The following C7orf33 variants were observed in gnomAD, a reference collection of about 807,000 sequenced individuals.
C7orf33 encodes the protein chromosome 7 open reading frame 33, also known as uncharacterized protein C7orf33.
C7orf33 carries 15 observed loss-of-function variants against 13.4 expected under a neutral mutation model. That is an observed-to-expected ratio of 1.12 (90% CI 0.75 to 1.72). C7orf33 has a LOEUF of 1.72. Among genes scored for constraint, C7orf33 ranks in the 40% most tolerant of loss-of-function variants. The pLI is 0.00. For missense variants in C7orf33, 187 were observed against 220.3 expected (o/e 0.85, Z 0.96); for synonymous variants, 73 against 83.2 (o/e 0.88, Z 0.67).
chr7:148,598,804 A>G (rs1240970579), intron 1 of C7orf33, among the ~76,000 whole-genome samples: 1 of 135,096 alleles, frequency 7.4e-6, no homozygotes, highest in Non-Finnish European at 1.6e-5. Flanking sequence ...AGAGAGAGAG[A>G]GAGAGAGAGA....
chr7:148,606,351 T>A (rs1362189317), intron 1 of C7orf33, among the ~76,000 whole-genome samples: 1 of 152,156 alleles, frequency 6.6e-6, no homozygotes, highest in East Asian at 1.9e-4. Flanking sequence ...TTTATCAAAA[T>A]CTGGGATACT....
chr7:148,609,274 A>G (rs1298889943), intron 1 of C7orf33, among the ~76,000 whole-genome samples: 2 of 152,108 alleles, frequency 1.3e-5, no homozygotes, highest in African/African-American at 4.8e-5. Flanking sequence ...CCATTCTTAC[A>G]TTCCTGGGCA....
At chr7:148,593,656 G>T (rs1012856483) in intron 1 of C7orf33, among the ~76,000 whole-genome samples, 1 of 152,116 alleles carries the variant, frequency 6.6e-6, no homozygotes, top group East Asian at 1.9e-4. Flanking sequence ...AAGTCAAAAT[G>T]CTTTTCCTCT....
intron 1 of C7orf33, among the ~76,000 whole-genome samples, chr7:148,596,458 T>C (rs1345419746): frequency 6.6e-6 from 1 of 152,206 alleles, no homozygotes; most frequent in East Asian, 1.9e-4. Context: ...ATAAGTTTAA[T>C]TGGACTTACA....
At chr7:148,594,939 G>A (rs1796311478) in intron 1 of C7orf33, among the ~76,000 whole-genome samples, 1 of 151,974 alleles carries the variant, frequency 6.6e-6, no homozygotes, top group Non-Finnish European at 1.5e-5. Context: ...TGAGACAACA[G>A]TGAGCCACAA....
At chr7:148,598,763 TAGAGAGAGAGAGAGAGAGAGAGAGAG>T (rs774619392) in intron 1 of C7orf33, among the ~76,000 whole-genome samples, 16 of 26,196 alleles carry the variant, frequency 6.1e-4, no homozygotes, top group African/African-American at 1.6e-3. Context: ...TATATATATA[TAGAGAGAGAGAGAGAGAGAGAGAGAG>T]AGAGAGAGAG....
intron 1 of C7orf33, among the ~76,000 whole-genome samples, chr7:148,594,608 G>A (rs1180960120): frequency 6.6e-6 from 1 of 152,154 alleles, no homozygotes; most frequent in Non-Finnish European, 1.5e-5. Context: ...CAAGTAAAAT[G>A]CAGAACAGTT....
At chr7:148,594,120 G>T (rs879617323) in intron 1 of C7orf33, among the ~76,000 whole-genome samples, 1 of 151,340 alleles carries the variant, frequency 6.6e-6, no homozygotes, top group Non-Finnish European at 1.5e-5. Context: ...CCGAGCAGAC[G>T]CCATGTTTCC....
At position 148,615,463 on chromosome 7, in the gene C7orf33, G is replaced by A; in HGVS notation, c.*62G>A. The stretch of plus-strand genomic sequence containing the variant: ...TGTGTAGATTGTGAAATCTCTTCTT[G>A]CAAGAAAAAAGAGAAATAGCTGAAG... On this transcript the variant is annotated 3_prime_UTR_variant, in exon 3 of 3. Transcript: ENST00000307003. The A allele has an allele frequency of 1.9e-6, 2 of 1,071,962 alleles. No individual in the cohort carries two copies. The highest frequency in any genetic ancestry group is 2.4e-5 in the East Asian group (1 of 41,856). 66.4% of individuals were successfully genotyped at this position (1,071,962 alleles called of 1,614,324 possible).
chr7:148,596,452 G>A (rs537636465), intron 1 of C7orf33, among the ~76,000 whole-genome samples: 3 of 152,308 alleles, frequency 2.0e-5, no homozygotes, highest in East Asian at 1.9e-4. Flanking sequence ...AAAGAAATAA[G>A]TTTAATTGGA....
At chr7:148,595,440 A>G (rs1170212501) in intron 1 of C7orf33, among the ~76,000 whole-genome samples, 1 of 132,280 alleles carries the variant, frequency 7.6e-6, no homozygotes, top group Admixed American at 8.1e-5. Context: ...TCTATATAAT[A>G]TAGATATATA....
At chr7:148,593,376 C>A (rs1796290594) in intron 1 of C7orf33, among the ~76,000 whole-genome samples, 1 of 152,134 alleles carries the variant, frequency 6.6e-6, no homozygotes, top group Non-Finnish European at 1.5e-5. Context: ...AATTCTCCTG[C>A]CTTAGCCTCC....
intron 1 of C7orf33, among the ~76,000 whole-genome samples, chr7:148,600,979 T>C (rs1796407142): frequency 6.6e-6 from 1 of 152,010 alleles, no homozygotes; most frequent in South Asian, 2.1e-4. Context: ...ATTTTTTGTA[T>C]TTTTAGTAGA....
intron 1 of C7orf33, among the ~76,000 whole-genome samples, chr7:148,605,337 C>G (rs1796460950): frequency 6.6e-6 from 1 of 152,202 alleles, no homozygotes; most frequent in Non-Finnish European, 1.5e-5. Flanking sequence ...ATTGGTGTCT[C>G]AGCTCCAACT....
At chr7:148,601,271 A>C (rs1487176411) in intron 1 of C7orf33, among the ~76,000 whole-genome samples, 1 of 152,156 alleles carries the variant, frequency 6.6e-6, no homozygotes, top group Non-Finnish European at 1.5e-5. Flanking sequence ...TTGTATTTTT[A>C]TGATTTTTAA....
In C7orf33 at chr7:148,615,475, A is replaced by G; in HGVS notation, c.*74A>G. On this transcript the variant is annotated 3_prime_UTR_variant, in exon 3 of 3. Coordinates refer to ENST00000307003, the MANE Select transcript of C7orf33 (RefSeq NM_145304.4). ...GAAATCTCTTCTTGCAAGAAAAAAG[A>G]GAAATAGCTGAAGTTCTGGAAATAA... 1 of 968,552 alleles carries G rather than the reference A, an allele frequency of 1.0e-6. No homozygotes were observed. The highest frequency in any genetic ancestry group is 1.7e-6 in the Non-Finnish European group (1 of 605,440). 60.0% of individuals were successfully genotyped at this position (968,552 alleles called of 1,614,324 possible).
At position 148,615,689 on chromosome 7, in the gene C7orf33, G is replaced by A. The variant is rs1282141325; in HGVS notation, c.*288G>A. 3.0e-6 allele frequency: 1 copy of A among 329,536 alleles called. No homozygotes were observed. The highest frequency in any genetic ancestry group is 5.8e-6 in the Non-Finnish European group (1 of 172,178). 20.4% of individuals were successfully genotyped at this position (329,536 alleles called of 1,614,324 possible). ...CCACCAGGTTCTAAAGGGAGACGAA[G>A]ATCCCCAGAGGACCTGGATAGAGAT... On this transcript the variant is annotated 3_prime_UTR_variant, in exon 3 of 3. Coordinates refer to ENST00000307003, the MANE Select transcript of C7orf33 (RefSeq NM_145304.4).
intron 1 of C7orf33, among the ~76,000 whole-genome samples, chr7:148,592,516 AT>A (rs11373127): frequency 0.065 from 9,144 of 140,566 alleles, 342 homozygotes; most frequent in African/African-American, 0.11. Flanking sequence ...GGTAGATAGG[AT>A]TTTTTTTTTT....
chr7:148,610,488 G>A (rs532906877), intron 1 of C7orf33, among the ~76,000 whole-genome samples: 2 of 152,268 alleles, frequency 1.3e-5, no homozygotes, highest in African/African-American at 4.8e-5. Context: ...CGGACTGGCT[G>A]TCCTTTCTCC....
Sources: allele counts gnomAD v4.1 joint callset (sites outside exome capture counted in the v4.1 genomes callset), GRCh38; gene constraint gnomAD v4.1.1; transcripts MANE v1.5; gene names NCBI Gene and HGNC (gene_info 2026-07-23, HGNC 2026-07-21).